The following KIF5C variants were observed in gnomAD, a reference collection of about 807,000 sequenced individuals.
KIF5C encodes the protein kinesin family member 5C, also known as kinesin heavy chain isoform 5C.
KIF5C carries 18 observed loss-of-function variants against 125.2 expected under a neutral mutation model. The ratio of observed to expected loss-of-function variants is 0.14; its 90% CI spans 0.10 to 0.21. The LOEUF (loss-of-function observed/expected upper bound fraction) is 0.21. KIF5C is among the 10% of genes least tolerant of loss of function. The pLI is 1.00. For missense variants in KIF5C, 780 were observed against 1,183.8 expected (o/e 0.66, Z 5.01); for synonymous variants, 405 against 434.0 (o/e 0.93, Z 0.83).
intron 15 of KIF5C, among the ~76,000 whole-genome samples, chr2:148,988,428 A>C (rs746515301): frequency 2.6e-5 from 4 of 151,934 alleles, no homozygotes; most frequent in Non-Finnish European, 4.4e-5. Flanking sequence ...CTATATTTTT[A>C]CTCTTCCTCA....
intron 7 of KIF5C, among the ~76,000 whole-genome samples, chr2:148,944,174 C>T (rs1306029933): frequency 6.6e-6 from 1 of 152,084 alleles, no homozygotes; most frequent in South Asian, 2.1e-4. Context: ...ATAAAATATA[C>T]TTAATATGAA....
At chr2:148,954,525 A>G (rs950151668) in intron 10 of KIF5C, among the ~76,000 whole-genome samples, 2 of 152,194 alleles carry the variant, frequency 1.3e-5, no homozygotes, top group Non-Finnish European at 2.9e-5. Flanking sequence ...GGTGGTAATA[A>G]AGGGAAAGAG....
intron 16 of KIF5C, among the ~76,000 whole-genome samples, 170 bp downstream of exon 16, chr2:148,991,368 G>A (rs935144776): frequency 6.6e-6 from 1 of 152,144 alleles, no homozygotes; most frequent in Non-Finnish European, 1.5e-5. Context: ...GCTACATTTT[G>A]TTGTGTGAAA....
At chr2:149,014,729 A>G (rs1485814372) in intron 25 of KIF5C, among the ~76,000 whole-genome samples, 3 of 152,232 alleles carry the variant, frequency 2.0e-5, no homozygotes, top group Admixed American at 6.5e-5. Flanking sequence ...GCACTGCAGA[A>G]GGTGGTAGTT....
intron 1 of KIF5C, among the ~76,000 whole-genome samples, chr2:148,916,194 C>T (rs1273621831): frequency 6.6e-6 from 1 of 152,176 alleles, no homozygotes; most frequent in Non-Finnish European, 1.5e-5. Flanking sequence ...CTGACAGCAT[C>T]TGCTGCAGGT....
chr2:148,892,954 T>C (rs1190268942), intron 1 of KIF5C, among the ~76,000 whole-genome samples: 1 of 152,250 alleles, frequency 6.6e-6, no homozygotes, highest in Admixed American at 6.5e-5. Flanking sequence ...TTTCCAGATG[T>C]AGACTTTTAC....
intron 10 of KIF5C, 29 bp downstream of exon 10, chr2:148,950,491 C>T: frequency 6.2e-7 from 1 of 1,605,450 alleles, no homozygotes; most frequent in Non-Finnish European, 8.5e-7. Context: ...GACCCATCCT[C>T]TGTGCTAGGT....
chr2:148,939,189 C>T (rs1040256818), intron 4 of KIF5C, among the ~76,000 whole-genome samples: 7 of 152,034 alleles, frequency 4.6e-5, no homozygotes, highest in Non-Finnish European at 8.8e-5. Context: ...TCTGACCAAC[C>T]GCACATGCGA....
intron 1 of KIF5C, among the ~76,000 whole-genome samples, chr2:148,884,623 A>G (rs1009190035): frequency 6.6e-6 from 1 of 152,156 alleles, no homozygotes; most frequent in Non-Finnish European, 1.5e-5. Context: ...TTAACATCTC[A>G]TATCTTTTGA....
At chr2:148,908,280 TTA>T (rs1160780227) in intron 1 of KIF5C, among the ~76,000 whole-genome samples, 2 of 152,198 alleles carry the variant, frequency 1.3e-5, no homozygotes. Context: ...TGCACATTCT[TTA>T]TCTCTGTCTT....
intron 25 of KIF5C, among the ~76,000 whole-genome samples, chr2:149,017,620 T>C (rs980397914): frequency 4.6e-5 from 7 of 152,246 alleles, no homozygotes; most frequent in Non-Finnish European, 7.3e-5. Context: ...AGATGTTTTC[T>C]GAAAGACGGA....
At chr2:148,884,484 A>G (rs1681456149) in intron 1 of KIF5C, 1 of 152,174 alleles carries the variant, frequency 6.6e-6, no homozygotes, top group Non-Finnish European at 1.5e-5. Context: ...AACATACACC[A>G]AAGTAGAAAG....
At chr2:148,997,228 G>A (rs763953805) in intron 17 of KIF5C, 36 bp from the exon 18 acceptor site, 15 of 1,597,492 alleles carry the variant, frequency 9.4e-6, no homozygotes, top group Non-Finnish European at 1.1e-5. Context: ...AGTCCCACCA[G>A]TTAAGTCTTA....
chr2:149,000,445 G>C lies in KIF5C; in HGVS notation c.2233G>C (p.Glu745Gln). The stretch of plus-strand genomic sequence containing the variant: ...CAGTTTGAATCAGAAACTGCAACTG[G>C]AACAGGAGAAGCTTAGTTCTGATTA... ...IRDLNQKLQL[E>Q]QEKLSSDYNK... Residue 745 changes from glutamate (E) to glutamine (Q), a missense_variant, in exon 20 of 26, where the codon GAA becomes CAA. By Grantham distance (29) the Glu-to-Gln change is conservative. Transcript: ENST00000435030. 1 of 1,585,678 alleles carries C rather than the reference G, an allele frequency of 6.3e-7. No individual in the cohort carries two copies. Among genetic ancestry groups the C allele is most frequent in the South Asian group, 1.1e-5 (1 of 87,256 alleles).
chr2:148,932,795 G>T (rs958853307), intron 3 of KIF5C, among the ~76,000 whole-genome samples: 2 of 152,150 alleles, frequency 1.3e-5, no homozygotes, highest in African/African-American at 2.4e-5. Flanking sequence ...CTGTCTGAAC[G>T]CACGGTGCTC....
At chr2:148,897,753 T>C (rs1014203051) in intron 1 of KIF5C, among the ~76,000 whole-genome samples, 1 of 151,314 alleles carries the variant, frequency 6.6e-6, no homozygotes, top group African/African-American at 2.4e-5. Context: ...ACCCTGTCTT[T>C]ACTAAAAATA....
In KIF5C at chr2:149,025,503, A is replaced by G. The variant is rs554364705; in HGVS notation, c.*2433A>G. ...ATATGTGCAATTTTCAGGTTTTTAGACTATTGCTCCCTGTACTTTAAATGT... is the reference window on the plus strand; with the variant it reads ...ATATGTGCAATTTTCAGGTTTTTAGGCTATTGCTCCCTGTACTTTAAATGT... On this transcript the variant is annotated 3_prime_UTR_variant, in exon 26 of 26. Transcript: ENST00000435030. The G allele has an allele frequency of 6.6e-6, 1 of 152,496 alleles. No homozygotes were observed. Among genetic ancestry groups the G allele is most frequent in the African/African-American group, 2.4e-5 (1 of 41,462 alleles). The allele number at this position is 152,496 out of a possible 1,614,324, so 9.4% of individuals were successfully genotyped here.
At chr2:148,943,411 T>C (rs1244693752) in intron 7 of KIF5C, among the ~76,000 whole-genome samples, 3 of 152,100 alleles carry the variant, frequency 2.0e-5, no homozygotes, top group Non-Finnish European at 2.9e-5. Context: ...TTGTCTATCT[T>C]ATTAAGAGGG....
rs969861644 is a variant in KIF5C at position 148,881,729 on chromosome 2, G to A, written c.126+5986G>A. Among the ~76,000 whole-genome samples the A allele has an allele frequency of 6.2e-5, 9 of 145,458 alleles. 1 individual carries two copies. The highest frequency in any genetic ancestry group is 1.3e-4 in the Admixed American group (2 of 15,052). ...CTTTAGTCCTTACCTCTAAATCATC[G>A]TGGTGATTTAGAGGGTGAACTCACT... On this transcript the variant is annotated intron_variant, in intron 1 of 25. Transcript: ENST00000435030.
Sources: allele counts gnomAD v4.1 joint callset (sites outside exome capture counted in the v4.1 genomes callset), GRCh38; gene constraint gnomAD v4.1.1; transcripts MANE v1.5; gene names NCBI Gene and HGNC (gene_info 2026-07-23, HGNC 2026-07-21).